The following MRPL4 variants were observed in gnomAD, a reference collection of about 807,000 sequenced individuals.
MRPL4 encodes the protein large ribosomal subunit protein uL4m.
Under a neutral mutation model 34.1 loss-of-function variants are expected in MRPL4, and 34 were observed. The observed-to-expected ratio is 1.00, with a 90% CI of 0.76 to 1.33. The LOEUF (loss-of-function observed/expected upper bound fraction) is 1.33. MRPL4 is among the 40% of genes most tolerant of loss of function. The pLI, the probability that MRPL4 is intolerant of heterozygous loss-of-function variation, is 0.00. For synonymous variants in MRPL4, 196 were observed against 188.3 expected (o/e 1.04, Z -0.33); for missense variants, 402 against 434.6 (o/e 0.92, Z 0.67).
chr19:10,257,698 G>T (rs921488023), intron 5 of MRPL4, among the ~76,000 whole-genome samples: 2 of 151,810 alleles, frequency 1.3e-5, no homozygotes, highest in Non-Finnish European at 2.9e-5. Context: ...TTCCTCTCCC[G>T]CTTGACCTGA....
chr19:10,259,310 T>A, intron 8 of MRPL4: 1 of 1,380,900 alleles, frequency 7.2e-7, no homozygotes, highest in Non-Finnish European at 9.3e-7. Flanking sequence ...CCCCGTCACC[T>A]CCCTGCCCTC....
chr19:10,259,612 C>G lies in MRPL4; in HGVS notation c.740-5C>G, dbSNP rs1161831341. 4 of 1,572,852 alleles carry G rather than the reference C, an allele frequency of 2.5e-6. No homozygotes were observed. Among genetic ancestry groups the G allele is most frequent in the African/African-American group, 1.4e-5 (1 of 72,926 alleles). On this transcript the variant is annotated splice_polypyrimidine_tract_variant and splice_region_variant and intron_variant, in intron 8 of 8. Transcript: ENST00000253099. ...CCCCCCGCCCCGCCCCCACCCCGCC[C>G]CCAGGCCTAAATGTGCACAGCATGC... is the stretch of plus-strand genomic sequence containing the variant.
intron 4 of MRPL4, chr19:10,255,611 T>C (rs2039843297): frequency 6.6e-6 from 1 of 152,602 alleles, no homozygotes; most frequent in Admixed American, 6.6e-5. Flanking sequence ...AGTCTGGGTT[T>C]TGTGCCAAGA....
chr19:10,258,289 G>T lies in MRPL4; in HGVS notation c.513G>T (p.Ala171=). 2 of 1,614,074 alleles carry T rather than the reference G, an allele frequency of 1.2e-6. No homozygotes were observed. The highest frequency in any genetic ancestry group is 2.2e-5 in the South Asian group (2 of 91,078). The part of the protein sequence containing the change: ...YYYMLPMKVR[A]LGLKVALTVK... ...ACATGCTGCCCATGAAGGTGCGGGC[G>T]CTGGGTCTCAAAGTGGCACTGACCG... The change falls in exon 6 of 9, where the codon GCG becomes GCT. Residue 171 remains alanine (A), a synonymous_variant. Transcript: ENST00000253099.
chr19:10,256,118 T>A (rs2039849064), intron 4 of MRPL4, among the ~76,000 whole-genome samples: 2 of 152,120 alleles, frequency 1.3e-5, no homozygotes, highest in African/African-American at 2.4e-5. Context: ...AAACCCCATC[T>A]CTACTAAAAA....
rs563180863 is a variant in MRPL4, at chr19:10,253,485, A to G, written c.275+784A>G. Among the ~76,000 whole-genome samples, 301 of 150,372 alleles carry G rather than the reference A, an allele frequency of 2.0e-3. 5 individuals are homozygous for G. The Middle Eastern group carries it at 0.024, about 12-fold the overall frequency. On this transcript the variant is annotated intron_variant, in intron 3 of 8. Coordinates refer to ENST00000253099, the MANE Select transcript of MRPL4 (RefSeq NM_015956.3). Reference sequence around the variant, plus strand: ...CACTCTGTCTCAAAAAAAAAAAAAAAAAAGAAAGAAAAGAAAATGTAGGGG... The same window carrying G: ...CACTCTGTCTCAAAAAAAAAAAAAAGAAAGAAAGAAAAGAAAATGTAGGGG...
intron 8 of MRPL4, chr19:10,258,932 C>T: frequency 7.0e-7 from 1 of 1,426,112 alleles, no homozygotes; most frequent in East Asian, 2.5e-5. Flanking sequence ...GTGAGGCTCC[C>T]ATCTGTACTA....
At chr19:10,256,859 T>TGGGGGGGGGTTGGGGG in intron 5 of MRPL4, 34 bp downstream of exon 5, 1 of 72,684 alleles carries the variant, frequency 1.4e-5, no homozygotes, top group Non-Finnish European at 2.5e-5. Flanking sequence ...CGGGGAGGGG[T>TGGGGGGGGGTTGGGGG]GGGGGGGCCA....
At chr19:10,253,872 G>A (rs1414123982) in intron 3 of MRPL4, among the ~76,000 whole-genome samples, 1 of 152,100 alleles carries the variant, frequency 6.6e-6, no homozygotes, top group Non-Finnish European at 1.5e-5. Context: ...ATTGTAGCAT[G>A]GGGCACTGGC....
At position 10,254,618 on chromosome 19, in the gene MRPL4, G is replaced by A; in HGVS notation, c.305G>A (p.Trp102Ter). The A allele has an allele frequency of 1.2e-6, 2 of 1,613,984 alleles. No homozygotes were observed. The highest frequency in any genetic ancestry group is 1.7e-6 in the Non-Finnish European group (2 of 1,179,912). ...RLDILHQVAM[W>*]QKNFKRISYA... ...GACATACTGCACCAGGTTGCTATGT[G>A]GCAGAAGAACTTCAAGAGAATTGTG... Residue 102 changes from tryptophan to a stop codon, truncating the protein, a stop_gained, in exon 4 of 9, where the codon TGG (tryptophan) becomes TAG (stop). Transcript: ENST00000253099. LOFTEE classifies it high-confidence loss of function.
intron 3 of MRPL4, among the ~76,000 whole-genome samples, chr19:10,253,470 C>CAAAAAAAGAAAAA (rs2039818151): frequency 9.7e-6 from 1 of 103,018 alleles, no homozygotes; most frequent in Admixed American, 1.2e-4. Flanking sequence ...CACTCTGTCT[C>CAAAAAAAGAAAAA]AAAAAAAAAA....
chr19:10,253,779 C>T (rs1599250716), intron 3 of MRPL4, among the ~76,000 whole-genome samples: 1 of 137,074 alleles, frequency 7.3e-6, no homozygotes, highest in East Asian at 2.2e-4. Flanking sequence ...GCGACAGAGA[C>T]AGACTCCATC....
intron 2 of MRPL4, 44 bp downstream of exon 2, chr19:10,252,507 G>T (rs759242532): frequency 3.7e-6 from 6 of 1,613,898 alleles, no homozygotes; most frequent in South Asian, 1.1e-5. Flanking sequence ...CGACAGAGAG[G>T]TCTGACCCTT....
intron 6 of MRPL4, 31 bp from the exon 7 acceptor site, chr19:10,258,382 C>G (rs1183187016): frequency 6.2e-7 from 1 of 1,613,840 alleles, no homozygotes; most frequent in Non-Finnish European, 8.5e-7. Context: ...GCTCTGGACC[C>G]AGGGTTCAAA....
intron 5 of MRPL4, 82 bp from the exon 6 acceptor site, chr19:10,258,140 C>A (rs2039868715): frequency 1.0e-6 from 1 of 1,001,190 alleles, no homozygotes; most frequent in Admixed American, 1.9e-5. Context: ...CTCTCGTCAC[C>A]CCATGCCAGC....
rs2039870710 is a variant in MRPL4 at position 10,258,307 on chromosome 19, A to C, written c.531A>C (p.Ala177=). The C allele has an allele frequency of 6.2e-7, 1 of 1,613,936 alleles. No homozygotes were observed. Among genetic ancestry groups the C allele is most frequent in the Non-Finnish European group, 8.5e-7 (1 of 1,179,996 alleles). Residue 177 remains alanine, a synonymous_variant, in exon 6 of 9, where the codon GCA becomes GCC. Transcript: ENST00000253099. ...MKVRALGLKV[A]LTVKLAQDDL... is the part of the protein sequence containing the mutation. ...TGCGGGCGCTGGGTCTCAAAGTGGC[A>C]CTGACCGTCAAGCTGGCCCAGGTAC...
chr19:10,259,125 A>AAAG, intron 8 of MRPL4: 1 of 1,211,274 alleles, frequency 8.3e-7, no homozygotes, highest in South Asian at 3.1e-5. Context: ...AAAAAAAAAA[A>AAAG]GCTCCAAAGT....
intron 4 of MRPL4, chr19:10,255,593 TG>T (rs2039843167): frequency 6.6e-6 from 1 of 152,642 alleles, no homozygotes; most frequent in African/African-American, 2.4e-5. Flanking sequence ...GTGGGAGCAG[TG>T]GGGAGGAGTC....
chr19:10,255,584 TG>T (rs2145469389), intron 4 of MRPL4: 2 of 152,786 alleles, frequency 1.3e-5, no homozygotes, highest in Admixed American at 1.3e-4. Flanking sequence ...CAGAGGCCAG[TG>T]GGAGCAGTGG....
Sources: allele counts gnomAD v4.1 joint callset (sites outside exome capture counted in the v4.1 genomes callset), GRCh38; gene constraint gnomAD v4.1.1; transcripts MANE v1.5; gene names NCBI Gene and HGNC (gene_info 2026-07-23, HGNC 2026-07-21).